The following AP3B1 variants were observed in gnomAD, a reference collection of about 807,000 sequenced individuals.
AP3B1 encodes the protein AP-3 complex subunit beta-1.
AP3B1 carries 61 observed loss-of-function variants against 132.5 expected under a neutral mutation model. The observed-to-expected ratio is 0.46, with a 90% CI of 0.37 to 0.57. The LOEUF (loss-of-function observed/expected upper bound fraction) is 0.57, where lower values mean the gene tolerates loss of function less well. Ranked by LOEUF, AP3B1 falls within the 20% of genes least tolerant of loss-of-function variation. The pLI, the probability that AP3B1 is intolerant of heterozygous loss-of-function variation, is 0.00. For synonymous variants in AP3B1, 388 were observed against 438.3 expected, an observed-to-expected ratio of 0.89 and a Z score of 1.43; for missense variants, 1,120 against 1,289.4, an observed-to-expected ratio of 0.87 and a Z score of 2.01.
intron 7 of AP3B1, among the ~76,000 whole-genome samples, chr5:78,202,552 A>AGTGTGTGTGTGTGTGTGT (rs36209977): frequency 9.6e-5 from 14 of 146,148 alleles, no homozygotes; most frequent in South Asian, 4.5e-4. Flanking sequence ...CCATATATTC[A>AGTGTGTGTGTGTGTGTGT]GTGTGTGTGT....
chr5:78,167,350 C>T (rs1185395321), intron 11 of AP3B1, among the ~76,000 whole-genome samples: 2 of 151,902 alleles, frequency 1.3e-5, no homozygotes, highest in African/African-American at 4.8e-5. Flanking sequence ...TAGATGTTAG[C>T]ATGGATGTGG....
chr5:78,241,142 G>C (rs1747118119), intron 2 of AP3B1, among the ~76,000 whole-genome samples: 1 of 151,466 alleles, frequency 6.6e-6, no homozygotes, highest in Admixed American at 6.6e-5. Flanking sequence ...GAAATATTTA[G>C]TAACTTAAGA....
At chr5:78,229,772 G>C (rs1479588508) in intron 3 of AP3B1, among the ~76,000 whole-genome samples, 1 of 151,786 alleles carries the variant, frequency 6.6e-6, no homozygotes, top group African/African-American at 2.4e-5. Flanking sequence ...TAAAAAAAAA[G>C]TTATATACTC....
chr5:78,099,448 G>A (rs1751039008), intron 21 of AP3B1, among the ~76,000 whole-genome samples: 1 of 152,126 alleles, frequency 6.6e-6, no homozygotes. Flanking sequence ...AAGAAGACAG[G>A]GGTCAGATCA....
rs184067902 is a variant in AP3B1 at position 78,119,479 on chromosome 5, G to A, written c.1969-3245C>T. On this transcript the variant is annotated intron_variant, in intron 17 of 26. Transcript: ENST00000255194. ...CGAATGGATACCTAGAATAACCAAT[G>A]CAGAGAAGTCCTTAAAGGAGCTGAT... Among the ~76,000 whole-genome samples, 465 of 152,286 alleles carry A rather than the reference G, an allele frequency of 3.1e-3. 2 individuals carry two copies. The highest frequency in any genetic ancestry group is 0.011 in the African/African-American group (443 of 41,544).
intron 1 of AP3B1, among the ~76,000 whole-genome samples, chr5:78,270,266 A>G (rs1748495396): frequency 6.6e-6 from 1 of 152,062 alleles, no homozygotes; most frequent in African/African-American, 2.4e-5. Context: ...AGTATCCATC[A>G]ATATTGGACT....
chr5:78,199,310 C>T (rs1745197467), intron 7 of AP3B1, among the ~76,000 whole-genome samples: 1 of 152,060 alleles, frequency 6.6e-6, no homozygotes, highest in African/African-American at 2.4e-5. Context: ...TTCAAATTTT[C>T]TGAAATAAAA....
At chr5:78,096,544 A>G (rs1282784259) in intron 21 of AP3B1, among the ~76,000 whole-genome samples, 6 of 143,066 alleles carry the variant, frequency 4.2e-5, no homozygotes, top group African/African-American at 7.9e-5. Flanking sequence ...CTGCCCGGCC[A>G]CCATCCCATC....
At chr5:78,120,925 T>C (rs1253010428) in intron 17 of AP3B1, among the ~76,000 whole-genome samples, 11 of 152,246 alleles carry the variant, frequency 7.2e-5, no homozygotes, top group East Asian at 1.9e-4. Context: ...TATTCCAAAA[T>C]TGACCACATA....
intron 11 of AP3B1, among the ~76,000 whole-genome samples, chr5:78,174,610 G>A (rs553448071): frequency 6.6e-6 from 1 of 152,284 alleles, no homozygotes; most frequent in South Asian, 2.1e-4. Flanking sequence ...GTCCCAGAGG[G>A]GCAACCACCT....
At chr5:78,242,991 T>C (rs914423178) in intron 2 of AP3B1, among the ~76,000 whole-genome samples, 2 of 152,244 alleles carry the variant, frequency 1.3e-5, no homozygotes, top group Non-Finnish European at 2.9e-5. Flanking sequence ...AAATGTTATA[T>C]AAATATGTGA....
At chr5:78,014,485 CAG>C (rs1353791468) in intron 26 of AP3B1, among the ~76,000 whole-genome samples, 4 of 152,100 alleles carry the variant, frequency 2.6e-5, no homozygotes. Flanking sequence ...CCATTAGTGG[CAG>C]AGTTAGATCT....
chr5:78,181,979 C>T (rs1744391970), intron 7 of AP3B1, among the ~76,000 whole-genome samples: 1 of 152,060 alleles, frequency 6.6e-6, no homozygotes, highest in Non-Finnish European at 1.5e-5. Context: ...TTTAACAAGG[C>T]CTATAATACT....
intron 22 of AP3B1, among the ~76,000 whole-genome samples, chr5:78,081,996 C>A: frequency 6.6e-6 from 1 of 152,084 alleles, no homozygotes; most frequent in East Asian, 1.9e-4. Flanking sequence ...ACAAAAATGG[C>A]CAACTTTGCT....
At chr5:78,013,670 T>C (rs953352077) in intron 26 of AP3B1, among the ~76,000 whole-genome samples, 1 of 152,192 alleles carries the variant, frequency 6.6e-6, no homozygotes, top group Non-Finnish European at 1.5e-5. Context: ...AAAAGAAGTA[T>C]TTAAAGCAGA....
At chr5:78,235,708 T>C (rs1227832671) in intron 3 of AP3B1, among the ~76,000 whole-genome samples, 1 of 152,190 alleles carries the variant, frequency 6.6e-6, no homozygotes, top group Non-Finnish European at 1.5e-5. Flanking sequence ...CTCCTTGCTG[T>C]AAAGCTAATC....
rs1486429320 is a variant in AP3B1 at position 78,177,577 on chromosome 5, TG to T, written c.943-142del. On this transcript the variant is annotated intron_variant, in intron 8 of 26. Transcript: ENST00000255194. ...TGGAATGTTACTCTTCGTAGTGAGT[TG>T]AAGAAGTGTCCCCCACTCCCAGTGC... The T allele has an allele frequency of 4.2e-6, 3 of 717,250 alleles. No individual in the cohort carries two copies. The African/African-American group carries it at 5.3e-5, about 13-fold the overall frequency. The allele number at this position is 717,250 out of a possible 1,614,324, so 44.4% of individuals were successfully genotyped here.
chr5:78,011,263 C>T (rs529823186), intron 26 of AP3B1, among the ~76,000 whole-genome samples: 1,930 of 152,088 alleles, frequency 0.013, 48 homozygotes, highest in African/African-American at 0.044. Flanking sequence ...CCAGGCTGGT[C>T]TTGAACTCCT....
chr5:78,193,732 G>GTGTATATCTATATA (rs1340871803), intron 7 of AP3B1, among the ~76,000 whole-genome samples: 3 of 89,252 alleles, frequency 3.4e-5, no homozygotes, highest in Non-Finnish European at 4.5e-5. Context: ...TTAAATATTT[G>GTGTATATCTATATA]TATATATTTT....
Sources: allele counts gnomAD v4.1 joint callset (sites outside exome capture counted in the v4.1 genomes callset), GRCh38; gene constraint gnomAD v4.1.1; transcripts MANE v1.5; gene names NCBI Gene and HGNC (gene_info 2026-07-23, HGNC 2026-07-21).